TCF12: variants seen among roughly 807,000 people sequenced by gnomAD.
TCF12 encodes DNA-binding protein HTF4.
TCF12 carries 45 observed loss-of-function variants against 86.0 expected under a neutral mutation model. The ratio of observed to expected loss-of-function variants is 0.52; its 90% CI spans 0.41 to 0.67. TCF12 has a LOEUF of 0.67. Among genes scored for constraint, TCF12 ranks in the 30% least tolerant of loss-of-function variants. The pLI is 0.00. For synonymous variants in TCF12, 330 were observed against 299.6 expected, an observed-to-expected ratio of 1.10 and a Z score of -1.05; for missense variants, 881 against 859.9, an observed-to-expected ratio of 1.02 and a Z score of -0.31.
At chr15:57,244,687 G>A (rs1352914641) in intron 13 of TCF12, among the ~76,000 whole-genome samples, 3 of 151,844 alleles carry the variant, frequency 2.0e-5, no homozygotes, top group East Asian at 1.9e-4. Context: ...TCTTGAACTC[G>A]TGACTTCAAG....
At chr15:56,976,932 TTTAA>T (rs1226331636) in intron 3 of TCF12, among the ~76,000 whole-genome samples, 7 of 152,150 alleles carry the variant, frequency 4.6e-5, no homozygotes, top group African/African-American at 1.2e-4. Flanking sequence ...ATTTTAAAAT[TTTAA>T]TTAATTAAAA....
intron 18 of TCF12, among the ~76,000 whole-genome samples, chr15:57,265,348 G>C (rs1325628589): frequency 6.6e-6 from 1 of 151,948 alleles, no homozygotes; most frequent in Admixed American, 6.6e-5. Context: ...GTGCGTATTA[G>C]GTTGAGTAAT....
At chr15:57,013,964 ATGT>A (rs2064994434) in intron 3 of TCF12, among the ~76,000 whole-genome samples, 1 of 152,186 alleles carries the variant, frequency 6.6e-6, no homozygotes, top group East Asian at 1.9e-4. Context: ...AAGGTGCAAG[ATGT>A]TGGTGTTACA....
At chr15:57,033,884 G>T (rs1440534663) in intron 3 of TCF12, among the ~76,000 whole-genome samples, 4 of 152,114 alleles carry the variant, frequency 2.6e-5, no homozygotes, top group African/African-American at 4.8e-5. Flanking sequence ...GTTTAGAAAT[G>T]GATATGATGA....
At chr15:57,012,013 T>C (rs576215710) in intron 3 of TCF12, among the ~76,000 whole-genome samples, 5 of 152,332 alleles carry the variant, frequency 3.3e-5, no homozygotes, top group Non-Finnish European at 7.3e-5. Flanking sequence ...ATAGGATCTC[T>C]GAATCATTTA....
rs186682551 is a variant in TCF12, at chr15:57,220,431, A to G, written c.580-10721A>G. On this transcript the variant is annotated intron_variant, in intron 8 of 20. Transcript: ENST00000333725. ...GTCCAGAGCCTGACTTCTCTGGGATACCATCTGTTTCCAATCAAACTAGAA... is the reference window on the plus strand; with the variant it reads ...GTCCAGAGCCTGACTTCTCTGGGATGCCATCTGTTTCCAATCAAACTAGAA... Among the ~76,000 whole-genome samples, 447 of 152,272 alleles carry G rather than the reference A, an allele frequency of 2.9e-3. 3 individuals are homozygous for G. The highest frequency in any genetic ancestry group is 0.014 in the Middle Eastern group (4 of 294).
intron 5 of TCF12, among the ~76,000 whole-genome samples, chr15:57,104,521 G>A (rs1190435193): frequency 1.5e-5 from 2 of 130,236 alleles, no homozygotes; most frequent in Non-Finnish European, 1.6e-5. Context: ...GGCTCACCAC[G>A]ACCTCCACCT....
chr15:57,043,976 T>C (rs1329446781), intron 3 of TCF12, among the ~76,000 whole-genome samples: 1 of 151,948 alleles, frequency 6.6e-6, no homozygotes, highest in Non-Finnish European at 1.5e-5. Flanking sequence ...TACCGAAAAC[T>C]ATGATGGAAA....
intron 16 of TCF12, among the ~76,000 whole-genome samples, 154 bp from the exon 17 acceptor site, chr15:57,261,940 T>C (rs1487440380): frequency 6.6e-6 from 1 of 152,174 alleles, no homozygotes; most frequent in African/African-American, 2.4e-5. Context: ...TTTGAAATTC[T>C]CCCCAAAAAC....
chr15:57,215,235 C>T (rs1478969189), intron 8 of TCF12, among the ~76,000 whole-genome samples: 1 of 152,160 alleles, frequency 6.6e-6, no homozygotes, highest in Non-Finnish European at 1.5e-5. Flanking sequence ...AACTAAAATA[C>T]TGCACATTTG....
chr15:57,060,799 T>G (rs1261409070), intron 3 of TCF12, among the ~76,000 whole-genome samples: 2 of 152,270 alleles, frequency 1.3e-5, no homozygotes, highest in Non-Finnish European at 2.9e-5. Context: ...TTTTATCTTC[T>G]GTGTGTAATT....
chr15:57,179,286 A>G (rs1283308161), intron 6 of TCF12, among the ~76,000 whole-genome samples: 1 of 152,176 alleles, frequency 6.6e-6, no homozygotes, highest in Non-Finnish European at 1.5e-5. Flanking sequence ...GGAGTGCAAG[A>G]CCAGCCTGGC....
intron 4 of TCF12, 55 bp from the exon 5 acceptor site, chr15:57,091,734 A>G (rs1053061927): frequency 2.0e-5 from 27 of 1,337,932 alleles, no homozygotes; most frequent in Admixed American, 1.9e-4. Context: ...ATTATGCTCA[A>G]TTAGCGGGAC....
chr15:57,029,350 CCTGA>C (rs1205093115), intron 3 of TCF12, among the ~76,000 whole-genome samples: 1 of 152,024 alleles, frequency 6.6e-6, no homozygotes, highest in Non-Finnish European at 1.5e-5. Flanking sequence ...TTTATGCCTA[CCTGA>C]CTTTGTTTTT....
At chr15:57,110,503 T>A (rs2050413924) in intron 5 of TCF12, among the ~76,000 whole-genome samples, 1 of 152,228 alleles carries the variant, frequency 6.6e-6, no homozygotes, top group Non-Finnish European at 1.5e-5. Flanking sequence ...GCGTCATCGT[T>A]CCATGGTGCT....
intron 8 of TCF12, among the ~76,000 whole-genome samples, chr15:57,200,887 A>G (rs1273873478): frequency 5.9e-5 from 9 of 152,174 alleles, no homozygotes; most frequent in Non-Finnish European, 1.2e-4. Flanking sequence ...CATTAAGTGA[A>G]TGGTTCACCT....
chr15:56,952,399 TCA>T (rs2061321303), intron 3 of TCF12, among the ~76,000 whole-genome samples: 2 of 151,958 alleles, frequency 1.3e-5, no homozygotes, highest in African/African-American at 4.8e-5. Flanking sequence ...CATATAAATG[TCA>T]GTACTGTTGT....
chr15:56,985,378 A>G (rs1400498702), intron 3 of TCF12, among the ~76,000 whole-genome samples: 2 of 152,046 alleles, frequency 1.3e-5, no homozygotes, highest in African/African-American at 2.4e-5. Flanking sequence ...AATTTTGACT[A>G]CTAAAATTGT....
intron 5 of TCF12, among the ~76,000 whole-genome samples, chr15:57,133,075 A>T (rs1448175918): frequency 6.6e-6 from 1 of 152,230 alleles, no homozygotes; most frequent in Non-Finnish European, 1.5e-5. Context: ...TATCCTTCAT[A>T]CAAGATTACC....
Sources: allele counts gnomAD v4.1 joint callset (sites outside exome capture counted in the v4.1 genomes callset), GRCh38; gene constraint gnomAD v4.1.1; transcripts MANE v1.5; gene names NCBI Gene and HGNC (gene_info 2026-07-23, HGNC 2026-07-21).